The following CC2D2A variants were observed in gnomAD, a reference collection of about 807,000 sequenced individuals.
CC2D2A encodes coiled-coil and C2 domain containing 2A.
Under a neutral mutation model 212.9 loss-of-function variants are expected in CC2D2A, and 155 were observed. The observed-to-expected ratio is 0.73, with a 90% CI of 0.64 to 0.83. The LOEUF (loss-of-function observed/expected upper bound fraction) is 0.83. Ranked by LOEUF, CC2D2A falls within the 40% of genes least tolerant of loss-of-function variation. CC2D2A has a pLI of 0.00. For missense variants in CC2D2A, 1,856 were observed against 1,956.2 expected, an observed-to-expected ratio of 0.95 and a Z score of 0.97; for synonymous variants, 667 against 686.5, an observed-to-expected ratio of 0.97 and a Z score of 0.44.
At chr4:15,478,556 A>T (rs1288592029) in intron 2 of CC2D2A, among the ~76,000 whole-genome samples, 167 bp from the exon 3 acceptor site, 8 of 152,218 alleles carry the variant, frequency 5.3e-5, no homozygotes, top group Non-Finnish European at 1.2e-4. Context: ...GTCTATGTTG[A>T]GAAGAGTGGA....
At chr4:15,530,599 T>C (rs903250642) in intron 13 of CC2D2A, among the ~76,000 whole-genome samples, 3 of 152,156 alleles carry the variant, frequency 2.0e-5, no homozygotes, top group Non-Finnish European at 4.4e-5. Context: ...AGCAGAGTCA[T>C]GGACAGCAGA....
Position 15,533,296 on chromosome 4 carries a change from A to G in CC2D2A, c.1570A>G (p.Arg524Gly). 1.3e-6 allele frequency: 2 copies of G among 1,590,226 alleles called. No individual in the cohort carries two copies. Among genetic ancestry groups the G allele is most frequent in the Non-Finnish European group, 1.7e-6 (2 of 1,168,824 alleles). Reference sequence around the variant, plus strand: ...GATGAAATCCCTTCGAGAGTTCCAGAGATTTACAAATACTCCCTTGAAACT... The same window carrying G: ...GATGAAATCCCTTCGAGAGTTCCAGGGATTTACAAATACTCCCTTGAAACT... ...KEMKSLREFQRFTNTPLKLVL... is the reference protein window; with the variant it reads ...KEMKSLREFQGFTNTPLKLVL... Residue 524 changes from arginine to glycine, a missense_variant, in exon 14 of 37, where the codon AGA becomes GGA. By Grantham distance (125) the Arg-to-Gly change is moderately radical. Coordinates refer to ENST00000424120, the MANE Select transcript of CC2D2A (RefSeq NM_001378615.1).
Position 15,574,207 on chromosome 4 carries a change from C to T in CC2D2A, c.3652C>T (p.Arg1218Ter), listed in dbSNP as rs375278294. The change falls in exon 29 of 37, where the codon CGA (arginine) becomes TGA (stop). Residue 1218 changes from arginine to a stop codon, truncating the protein, a stop_gained. Transcript: ENST00000424120. LOFTEE classifies it high-confidence loss of function. ...AGTTCTTCTGGGCTACAGTAAGGAG[C>T]GAAATATGATTCTTGAGCGGGGTTT... ...PPVLLGYSKE[R>*]NMILERGFDS... The T allele has an allele frequency of 7.1e-6, 11 of 1,551,242 alleles. No homozygotes were observed. The highest frequency in any genetic ancestry group is 3.9e-5 in the Admixed American group (2 of 50,976).
At chr4:15,505,334 T>G (rs1246421362) in intron 6 of CC2D2A, among the ~76,000 whole-genome samples, 1 of 152,176 alleles carries the variant, frequency 6.6e-6, no homozygotes, top group African/African-American at 2.4e-5. Flanking sequence ...AAAGTAGAAG[T>G]AACACAGAAC....
At chr4:15,497,021 C>A (rs1335494173) in intron 4 of CC2D2A, among the ~76,000 whole-genome samples, 1 of 152,158 alleles carries the variant, frequency 6.6e-6, no homozygotes, top group Admixed American at 6.5e-5. Flanking sequence ...CTATTCCTAT[C>A]AAACTACTGA....
intron 13 of CC2D2A, 80 bp from the exon 14 acceptor site, chr4:15,533,113 A>C (rs1032984864): frequency 2.0e-5 from 23 of 1,158,728 alleles, no homozygotes; most frequent in African/African-American, 9.7e-5. Context: ...TTGAATATAC[A>C]ATCACTGTAG....
At chr4:15,563,743 G>A (rs1371427447) in intron 24 of CC2D2A, 1 of 549,310 alleles carries the variant, frequency 1.8e-6, no homozygotes, top group South Asian at 2.4e-5. Flanking sequence ...AAATAACTCG[G>A]ACAAGAGGTA....
chr4:15,508,246 A>G (rs941150090), intron 6 of CC2D2A, among the ~76,000 whole-genome samples: 1 of 152,130 alleles, frequency 6.6e-6, no homozygotes, highest in Admixed American at 6.5e-5. Flanking sequence ...AGCCTTGTCA[A>G]TCAAGTTCTC....
intron 30 of CC2D2A, among the ~76,000 whole-genome samples, chr4:15,585,329 TTC>T (rs1197917800): frequency 6.6e-6 from 1 of 152,164 alleles, no homozygotes; most frequent in African/African-American, 2.4e-5. Flanking sequence ...CAGAATGAAA[TTC>T]TGTCATTTGC....
chr4:15,470,677 CTCTCTCTCTCTCTATATATATATA>C (rs1291458632), intron 1 of CC2D2A, among the ~76,000 whole-genome samples: 32 of 77,256 alleles, frequency 4.1e-4, no homozygotes, highest in Non-Finnish European at 5.6e-4. Context: ...CTCTCTCTCT[CTCTCTCTCTCTCTATATATATATA>C]TATATATATA....
At chr4:15,586,285 G>T in intron 31 of CC2D2A, 39 bp downstream of exon 31, 3 of 1,280,660 alleles carry the variant, frequency 2.3e-6, no homozygotes, top group South Asian at 3.1e-5. Flanking sequence ...AACTTGAGCT[G>T]ACTTAATGAA....
chr4:15,521,170 A>C (rs1717177852), intron 11 of CC2D2A, among the ~76,000 whole-genome samples: 1 of 152,332 alleles, frequency 6.6e-6, no homozygotes, highest in East Asian at 1.9e-4. Flanking sequence ...TGAACACAAC[A>C]AAACATGAAG....
chr4:15,544,300 C>T (rs1265138595), intron 17 of CC2D2A, among the ~76,000 whole-genome samples: 1 of 152,172 alleles, frequency 6.6e-6, no homozygotes, highest in Non-Finnish European at 1.5e-5. Context: ...GAGTCCCTCC[C>T]TTTCTGCAGG....
intron 23 of CC2D2A, among the ~76,000 whole-genome samples, chr4:15,562,066 G>C (rs1719631149): frequency 6.6e-6 from 1 of 152,230 alleles, no homozygotes; most frequent in Non-Finnish European, 1.5e-5. Flanking sequence ...ATAAATGGTA[G>C]CTATTTTGTG....
At chr4:15,525,022 G>C (rs1481468490) in intron 11 of CC2D2A, among the ~76,000 whole-genome samples, 1 of 152,202 alleles carries the variant, frequency 6.6e-6, no homozygotes, top group Non-Finnish European at 1.5e-5. Flanking sequence ...AATAGGAAGA[G>C]AGTTGAGGTC....
chr4:15,474,515 T>C (rs1176794183), intron 1 of CC2D2A, among the ~76,000 whole-genome samples: 2 of 152,096 alleles, frequency 1.3e-5, no homozygotes, highest in African/African-American at 4.8e-5. Flanking sequence ...GAATGAGACC[T>C]AGTATTTGAT....
At chr4:15,527,996 T>C (rs1403885895) in intron 12 of CC2D2A, among the ~76,000 whole-genome samples, 2 of 152,226 alleles carry the variant, frequency 1.3e-5, no homozygotes, top group African/African-American at 4.8e-5. Flanking sequence ...AGAATATCTG[T>C]CCTTAGAAAC....
intron 4 of CC2D2A, among the ~76,000 whole-genome samples, chr4:15,483,964 T>A (rs1186316253): frequency 6.6e-6 from 1 of 152,204 alleles, no homozygotes; most frequent in Non-Finnish European, 1.5e-5. Flanking sequence ...TTGGGCAAGT[T>A]CTCCGACCTA....
At chr4:15,592,533 T>C (rs1262582326) in intron 33 of CC2D2A, among the ~76,000 whole-genome samples, 1 of 152,172 alleles carries the variant, frequency 6.6e-6, no homozygotes, top group Non-Finnish European at 1.5e-5. Context: ...TCACAACTAA[T>C]GTTCTTCATG....
Sources: gnomAD v4.1 joint callset for allele counts (sites outside exome capture counted in the v4.1 genomes callset) on GRCh38, gnomAD v4.1.1 for gene constraint, MANE v1.5 for transcripts, NCBI Gene and HGNC (gene_info 2026-07-23, HGNC 2026-07-21) for gene names.